TLK1: variants seen among roughly 807,000 people sequenced by gnomAD.
The protein encoded by TLK1 is tousled like kinase 1.
A neutral mutation model predicts 105.3 loss-of-function variants in TLK1; 24 were observed. The observed-to-expected ratio is 0.23, with a 90% CI of 0.17 to 0.32. The LOEUF (loss-of-function observed/expected upper bound fraction) is 0.32, where lower values mean the gene tolerates loss of function less well. Ranked by LOEUF, TLK1 falls within the 10% of genes least tolerant of loss-of-function variation. The probability of loss-of-function intolerance (pLI) is 1.00; values close to 1 mark genes in which losing one functional copy is unlikely to be tolerated. For missense variants in TLK1, 558 were observed against 910.5 expected (o/e 0.61, Z 4.98); for synonymous variants, 321 against 310.4 (o/e 1.03, Z -0.36).
chr2:171,081,577 A>C, intron 3 of TLK1: 1 of 1,126,040 alleles, frequency 8.9e-7, no homozygotes, highest in East Asian at 5.9e-5. Flanking sequence ...GCTTAGTATA[A>C]GTATGTTAAT....
intron 1 of TLK1, among the ~76,000 whole-genome samples, chr2:171,224,705 C>T (rs977311275): frequency 1.4e-4 from 21 of 152,050 alleles, no homozygotes; most frequent in Non-Finnish European, 2.2e-4. Context: ...TTGACAAACT[C>T]ATCCTAAAAT....
At chr2:171,113,051 T>C (rs1044961121) in intron 2 of TLK1, among the ~76,000 whole-genome samples, 1 of 152,070 alleles carries the variant, frequency 6.6e-6, no homozygotes, top group African/African-American at 2.4e-5. Flanking sequence ...AATATAGAGA[T>C]GCTTAAATTT....
rs545379798 is a variant in TLK1, at chr2:170,992,470, C to T, written c.*1310G>A. 2.0e-5 allele frequency: 3 copies of T among 152,638 alleles called. No homozygotes were observed. The highest frequency in any genetic ancestry group is 1.9e-4 in the East Asian group (1 of 5,188). The allele number at this position is 152,638 out of a possible 1,614,324, so 9.5% of individuals were successfully genotyped here. A position where few individuals can be genotyped will look rare whatever the true frequency, so the allele number is the denominator to read the frequency against. On this transcript the variant is annotated 3_prime_UTR_variant, in exon 21 of 21. Coordinates refer to ENST00000431350, the MANE Select transcript of TLK1 (RefSeq NM_012290.5). Reference sequence around the variant, plus strand: ...TCTACCCTACGAGGCAGTTAGAAAACGTTCACATTTTAACAAATCTGTACA... The same window carrying T: ...TCTACCCTACGAGGCAGTTAGAAAATGTTCACATTTTAACAAATCTGTACA...
intron 1 of TLK1, among the ~76,000 whole-genome samples, chr2:171,226,908 G>C (rs1008106923): frequency 1.3e-5 from 2 of 152,062 alleles, no homozygotes; most frequent in African/African-American, 4.8e-5. Context: ...TGTCATCCTA[G>C]AATACATTCT....
At chr2:171,166,912 T>G (rs953193112) in intron 1 of TLK1, among the ~76,000 whole-genome samples, 1 of 152,212 alleles carries the variant, frequency 6.6e-6, no homozygotes, top group African/African-American at 2.4e-5. Context: ...CTCACAAATA[T>G]AATGCTCATT....
intron 11 of TLK1, among the ~76,000 whole-genome samples, chr2:171,038,975 TTTTA>T (rs1427080739): frequency 1.2e-4 from 18 of 152,168 alleles, no homozygotes; most frequent in African/African-American, 3.9e-4. Context: ...ATTATTAGTT[TTTTA>T]TTTATCTTGA....
intron 1 of TLK1, among the ~76,000 whole-genome samples, chr2:171,121,520 G>A (rs2105537434): frequency 6.6e-6 from 1 of 152,306 alleles, no homozygotes; most frequent in East Asian, 1.9e-4. Context: ...GACACAGCGA[G>A]AACCTGTCTC....
At chr2:171,019,667 G>A (rs1419037349) in intron 12 of TLK1, among the ~76,000 whole-genome samples, 5 of 152,072 alleles carry the variant, frequency 3.3e-5, no homozygotes, top group Admixed American at 6.5e-5. Flanking sequence ...TATTCTCAGC[G>A]TGCCTATAAC....
upstream of TLK1, among the ~76,000 whole-genome samples, chr2:171,162,319 C>T (rs1306628832): frequency 1.3e-5 from 2 of 152,210 alleles, no homozygotes; most frequent in African/African-American, 4.8e-5. Context: ...GTGGGCGGAT[C>T]ACGAGGTCAG....
chr2:171,176,390 T>C (rs1374026499), intron 1 of TLK1, among the ~76,000 whole-genome samples: 1 of 152,194 alleles, frequency 6.6e-6, no homozygotes, highest in African/African-American at 2.4e-5. Context: ...CAACCTCGGC[T>C]AGCATGGCTT....
At chr2:171,021,433 CTTTTT>C (rs531522490) in intron 12 of TLK1, among the ~76,000 whole-genome samples, 3 of 116,820 alleles carry the variant, frequency 2.6e-5, no homozygotes, top group African/African-American at 6.7e-5. Context: ...CCCGCCCCGA[CTTTTT>C]TTTTTTTTTT....
At chr2:171,042,712 TAA>T (rs71399592) in intron 11 of TLK1, among the ~76,000 whole-genome samples, 1 of 137,968 alleles carries the variant, frequency 7.2e-6, no homozygotes. Context: ...AGAAACTGGT[TAA>T]AAAAAAAAAA....
chr2:171,148,445 T>G lies in TLK1; in HGVS notation c.139+11845A>C, dbSNP rs572745359. 2.6e-5 allele frequency among the ~76,000 whole-genome samples: 4 copies of G among 152,112 alleles called. No individual in the cohort carries two copies. In the South Asian group the frequency reaches 8.3e-4, roughly 32 times the overall value. Reference sequence around the variant, plus strand: ...GCATGCTGTTTGTCATTGTTGCTCTTGGTGGTGTATTTTTTCTTTTGAGAG... The same window carrying G: ...GCATGCTGTTTGTCATTGTTGCTCTGGGTGGTGTATTTTTTCTTTTGAGAG... On this transcript the variant is annotated intron_variant, in intron 1 of 20. Coordinates refer to ENST00000431350, the MANE Select transcript of TLK1 (RefSeq NM_012290.5).
intron 1 of TLK1, among the ~76,000 whole-genome samples, chr2:171,200,476 T>C (rs1055119126): frequency 6.6e-6 from 1 of 152,202 alleles, no homozygotes; most frequent in Non-Finnish European, 1.5e-5. Flanking sequence ...CTTGCCGCAA[T>C]GTATTGGGAT....
chr2:171,030,294 A>G lies in TLK1; in HGVS notation c.1170-1889T>C, dbSNP rs147776917. On this transcript the variant is annotated intron_variant, in intron 11 of 20. Coordinates refer to ENST00000431350, the MANE Select transcript of TLK1 (RefSeq NM_012290.5). ...AAACAAGAAATTCAGTTAGTATTCC[A>G]CCCGCAACATCTTAAGAGCCAAAAA... Among the ~76,000 whole-genome samples the G allele has an allele frequency of 2.7e-3, 369 of 137,780 alleles. 4 individuals are homozygous for G. Among genetic ancestry groups the G allele is most frequent in the African/African-American group, 9.1e-3 (361 of 39,882 alleles). The allele number at this position is 137,780 out of a possible 152,430, so 90.4% of individuals were successfully genotyped here.
intron 2 of TLK1, 97 bp downstream of exon 2, chr2:171,117,642 T>A: frequency 2.2e-6 from 2 of 924,024 alleles, no homozygotes; most frequent in Non-Finnish European, 3.4e-6. Flanking sequence ...AAAGTTACAT[T>A]TGCTGTTAAG....
chr2:171,168,593 T>C (rs2105300831), intron 1 of TLK1, among the ~76,000 whole-genome samples: 1 of 151,992 alleles, frequency 6.6e-6, no homozygotes, highest in East Asian at 1.9e-4. Flanking sequence ...AATCACTGAA[T>C]CATAAAAAGA....
upstream of TLK1, among the ~76,000 whole-genome samples, chr2:171,161,228 C>A (rs1215764039): frequency 2.0e-5 from 3 of 151,116 alleles, no homozygotes; most frequent in East Asian, 3.9e-4. Context: ...GCTCCAGCGC[C>A]GCTGCCACCT....
chr2:171,083,651 T>C (rs1306193023), intron 2 of TLK1, among the ~76,000 whole-genome samples: 8 of 152,166 alleles, frequency 5.3e-5, no homozygotes, highest in Non-Finnish European at 8.8e-5. Context: ...GATATCCTCA[T>C]GTTTCACCTC....
Sources: allele counts gnomAD v4.1 joint callset (sites outside exome capture counted in the v4.1 genomes callset), GRCh38; gene constraint gnomAD v4.1.1; transcripts MANE v1.5; gene names NCBI Gene and HGNC (gene_info 2026-07-23, HGNC 2026-07-21).